VRK2: variants seen among roughly 807,000 people sequenced by gnomAD.
The protein encoded by VRK2 is VRK serine/threonine kinase 2.
VRK2 carries 60 observed loss-of-function variants against 57.6 expected under a neutral mutation model. The observed-to-expected ratio is 1.04, with a 90% CI of 0.85 to 1.29. The LOEUF is 1.29. VRK2 is among the 50% of genes most tolerant of loss of function. The pLI is 0.00. For synonymous variants in VRK2, 231 were observed against 199.2 expected (o/e 1.16, Z -1.35); for missense variants, 705 against 588.1 (o/e 1.20, Z -2.06).
At chr2:58,045,287 G>T (rs1041236933), upstream of VRK2, among the ~76,000 whole-genome samples, 1 of 152,186 alleles carries the variant, frequency 6.6e-6, no homozygotes. Context: ...GATGTATTTT[G>T]AAGGTTGAGC....
At chr2:57,955,763 T>G (rs1671568501) in intron 1 of VRK2, among the ~76,000 whole-genome samples, 1 of 152,152 alleles carries the variant, frequency 6.6e-6, no homozygotes. Context: ...TAGAATTAAA[T>G]TTTTTAAATA....
At chr2:58,019,081 C>T (rs983101316) in intron 1 of VRK2, among the ~76,000 whole-genome samples, 2 of 152,164 alleles carry the variant, frequency 1.3e-5, no homozygotes, top group African/African-American at 4.8e-5. Context: ...AAATTGAACT[C>T]ATAGCAAGCA....
At chr2:58,042,151 TATTG>T (rs1320084736), upstream of VRK2, among the ~76,000 whole-genome samples, 1 of 152,188 alleles carries the variant, frequency 6.6e-6, no homozygotes, top group Non-Finnish European at 1.5e-5. Flanking sequence ...TTACATGACA[TATTG>T]ATATGACATT....
intron 2 of VRK2, among the ~76,000 whole-genome samples, chr2:58,031,468 C>G (rs1160148928): frequency 1.3e-5 from 2 of 151,914 alleles, no homozygotes; most frequent in Non-Finnish European, 2.9e-5. Flanking sequence ...CAAGGATAGG[C>G]TTCAGTAAGG....
At chr2:57,956,631 CGTA>C (rs1671594908) in intron 1 of VRK2, among the ~76,000 whole-genome samples, 1 of 152,004 alleles carries the variant, frequency 6.6e-6, no homozygotes. Flanking sequence ...TTTAGGTCTT[CGTA>C]TGAAGAACCA....
At chr2:58,076,797 A>G (rs1457698488) in intron 2 of VRK2, among the ~76,000 whole-genome samples, 1 of 151,948 alleles carries the variant, frequency 6.6e-6, no homozygotes, top group African/African-American at 2.4e-5. Flanking sequence ...TTTTAAAGAG[A>G]AATCTTGAAT....
chr2:57,954,682 T>C (rs1671530585), intron 1 of VRK2, among the ~76,000 whole-genome samples: 1 of 152,020 alleles, frequency 6.6e-6, no homozygotes, highest in South Asian at 2.1e-4. Context: ...TACTAGATTA[T>C]AGGGTCAATT....
chr2:57,937,736 A>AC (rs1670959142), intron 1 of VRK2, among the ~76,000 whole-genome samples: 1 of 152,184 alleles, frequency 6.6e-6, no homozygotes, highest in Non-Finnish European at 1.5e-5. Context: ...CTTCCAACTC[A>AC]GAGGATCAAA....
intron 12 of VRK2, among the ~76,000 whole-genome samples, chr2:58,153,003 A>G (rs999333406): frequency 6.6e-6 from 1 of 151,968 alleles, no homozygotes; most frequent in Admixed American, 6.6e-5. Context: ...AACCACCACA[A>G]TTATCCTGCA....
At chr2:57,915,908 G>C (rs957810715) in intron 1 of VRK2, among the ~76,000 whole-genome samples, 3 of 152,114 alleles carry the variant, frequency 2.0e-5, no homozygotes, top group Admixed American at 6.6e-5. Flanking sequence ...CTGTGCATGT[G>C]TGGGATCTAG....
At chr2:58,112,142 G>A (rs761756157) in intron 7 of VRK2, among the ~76,000 whole-genome samples, 1 of 152,140 alleles carries the variant, frequency 6.6e-6, no homozygotes, top group African/African-American at 2.4e-5. Context: ...ATGGAATTTG[G>A]AAGTCATATC....
At chr2:58,078,955 G>C (rs1361616869) in intron 2 of VRK2, among the ~76,000 whole-genome samples, 1 of 152,146 alleles carries the variant, frequency 6.6e-6, no homozygotes, top group East Asian at 1.9e-4. Context: ...TTACAGGCAT[G>C]AGCCACTGCA....
At chr2:58,146,699 C>G (rs79108265) in intron 12 of VRK2, among the ~76,000 whole-genome samples, 4 of 152,056 alleles carry the variant, frequency 2.6e-5, no homozygotes, top group African/African-American at 7.2e-5. Flanking sequence ...GATCTGATTT[C>G]TTTATTCTAA....
At chr2:58,068,811 GA>G (rs60586801) in intron 2 of VRK2, among the ~76,000 whole-genome samples, 16,372 of 129,416 alleles carry the variant, frequency 0.13, 1,002 homozygotes, top group African/African-American at 0.19. Context: ...ACCCCCTCAG[GA>G]AAAAAAAAAA....
intron 1 of VRK2, chr2:58,017,982 A>G (rs1325756274): frequency 6.6e-6 from 1 of 152,142 alleles, no homozygotes; most frequent in Non-Finnish European, 1.5e-5. Context: ...ATTAGAAAAT[A>G]TATTTTATTT....
intron 3 of VRK2, among the ~76,000 whole-genome samples, chr2:58,040,262 G>A (rs1674404335): frequency 6.6e-6 from 1 of 152,140 alleles, no homozygotes; most frequent in African/African-American, 2.4e-5. Flanking sequence ...ACATCTGAGT[G>A]TATTTGCCTG....
At chr2:57,997,900 G>GA (rs11337756) in intron 1 of VRK2, among the ~76,000 whole-genome samples, 5 of 145,928 alleles carry the variant, frequency 3.4e-5, no homozygotes, top group South Asian at 2.2e-4. Context: ...CACTCAAAAA[G>GA]AAAAAAAAAA....
At chr2:57,954,689 A>T (rs947834031) in intron 1 of VRK2, among the ~76,000 whole-genome samples, 1 of 152,050 alleles carries the variant, frequency 6.6e-6, no homozygotes, top group African/African-American at 2.4e-5. Flanking sequence ...TTATAGGGTC[A>T]ATTTCCTAAT....
intron 7 of VRK2, among the ~76,000 whole-genome samples, chr2:58,119,361 T>C (rs1677055059): frequency 6.8e-6 from 1 of 147,632 alleles, no homozygotes; most frequent in South Asian, 2.1e-4. Flanking sequence ...AAAAAAAAAT[T>C]AGCCAGGCAT....
Sources: allele counts gnomAD v4.1 joint callset (sites outside exome capture counted in the v4.1 genomes callset), GRCh38; gene constraint gnomAD v4.1.1; transcripts MANE v1.5; gene names NCBI Gene and HGNC (gene_info 2026-07-23, HGNC 2026-07-21).